GPR21: variants seen among roughly 807,000 people sequenced by gnomAD.
GPR21 encodes the protein probable G protein-coupled receptor 21.
GPR21 carries 9 observed loss-of-function variants against 21.5 expected under a neutral mutation model. The ratio of observed to expected loss-of-function variants is 0.42; its 90% CI spans 0.25 to 0.73. GPR21 has a LOEUF of 0.73. GPR21 is among the 30% of genes least tolerant of loss of function. The pLI is 0.27. For synonymous variants in GPR21, 169 were observed against 159.3 expected, an observed-to-expected ratio of 1.06 and a Z score of -0.46; for missense variants, 416 against 428.9, an observed-to-expected ratio of 0.97 and a Z score of 0.27.
downstream of GPR21, among the ~76,000 whole-genome samples, chr9:123,036,714 C>T (rs1053770413): frequency 6.6e-6 from 1 of 151,712 alleles, no homozygotes; most frequent in Non-Finnish European, 1.5e-5. Flanking sequence ...TCAGTTAGTG[C>T]TAAGGAATCC....
At chr9:123,044,063 G>A in the GPR21 span, among the ~76,000 whole-genome samples, 1 of 151,816 alleles carries the variant, frequency 6.6e-6, no homozygotes, top group African/African-American at 2.4e-5. Context: ...ACCATGCATG[G>A]CTAGTTTTTT....
chr9:123,048,814 T>G, the GPR21 span, among the ~76,000 whole-genome samples: 1 of 152,220 alleles, frequency 6.6e-6, no homozygotes, highest in East Asian at 1.9e-4. Context: ...GGCCTCTCCA[T>G]GATGGATTGC....
chr9:123,036,171 A>C (rs2032648948), downstream of GPR21, among the ~76,000 whole-genome samples: 1 of 152,218 alleles, frequency 6.6e-6, no homozygotes, highest in Non-Finnish European at 1.5e-5. Context: ...TCTGTGTTTT[A>C]TTCTCTTGAG....
chr9:123,037,733 G>A (rs1426577665), downstream of GPR21, among the ~76,000 whole-genome samples: 1 of 151,936 alleles, frequency 6.6e-6, no homozygotes, highest in African/African-American at 2.4e-5. Context: ...TGTTGTGTGT[G>A]TATGTGTTGG....
At position 123,035,213 on chromosome 9, in the gene GPR21, G is replaced by T. The variant is rs200334416; in HGVS notation, c.647G>T (p.Arg216Leu). Reference sequence around the variant, plus strand: ...TGCTTCACCTATTTCAACATCTTCCGCATCTGCCAACAGCACACAAAGGAT... The same window carrying T: ...TGCTTCACCTATTTCAACATCTTCCTCATCTGCCAACAGCACACAAAGGAT... Reference protein sequence around the residue: ...IVCFTYFNIFRICQQHTKDIS... With the variant: ...IVCFTYFNIFLICQQHTKDIS... Residue 216 changes from arginine (R) to leucine (L), a missense_variant, in exon 2 of 2, where the codon CGC becomes CTC. Coordinates refer to ENST00000616002, the MANE Select transcript of GPR21 (RefSeq NM_005294.3). 1 of 1,614,040 alleles carries T rather than the reference G, an allele frequency of 6.2e-7. No homozygotes were observed. The highest frequency in any genetic ancestry group is 1.1e-5 in the South Asian group (1 of 91,072).
chr9:123,045,115 CAT>C, the GPR21 span, among the ~76,000 whole-genome samples: 2 of 152,164 alleles, frequency 1.3e-5, no homozygotes, highest in African/African-American at 4.8e-5. Flanking sequence ...TAAAAGTAAT[CAT>C]ATTTTCAAAG....
chr9:123,046,459 A>T, the GPR21 span, among the ~76,000 whole-genome samples: 1 of 152,230 alleles, frequency 6.6e-6, no homozygotes, highest in Non-Finnish European at 1.5e-5. Flanking sequence ...GGCCAAAAGT[A>T]TGTGCTTGAG....
At chr9:123,039,292 T>A (rs1455283377), downstream of GPR21, among the ~76,000 whole-genome samples, 4 of 152,142 alleles carry the variant, frequency 2.6e-5, no homozygotes, top group Non-Finnish European at 5.9e-5. Context: ...TTGCTTTGAT[T>A]TACTTCCTTC....
the GPR21 span, among the ~76,000 whole-genome samples, chr9:123,041,927 T>TTCCCCATCCCACCTGAA: frequency 5.3e-5 from 8 of 152,286 alleles, no homozygotes; most frequent in South Asian, 6.2e-4. Context: ...CTTACTCCTC[T>TTCCCCATCCCACCTGAA]TCCCCATCCC....
Position 123,035,573 on chromosome 9 carries a change from ACACAGTTAGAAG to A in GPR21, c.1010_1021del (p.Thr337_Ser340del). 1 of 1,608,574 alleles carries A rather than the reference ACACAGTTAGAAG, an allele frequency of 6.2e-7. No individual in the cohort carries two copies. The highest frequency in any genetic ancestry group is 8.5e-7 in the Non-Finnish European group (1 of 1,178,534). Reference sequence around the variant, plus strand: ...AGTCAGACTACAGCCAACGACCCTTACACAGTTAGAAGCAAAGGCCCTCTTAATGGATGTCAT... The same window carrying A: ...AGTCAGACTACAGCCAACGACCCTTACAAAGGCCCTCTTAATGGATGTCAT... On this transcript the variant is annotated inframe_deletion, in exon 2 of 2. Transcript: ENST00000616002.
At position 123,035,522 on chromosome 9, in the gene GPR21, CAG is replaced by C. The variant is rs761936390; in HGVS notation, c.957_958del (p.Ala321TyrfsTer18). ...TTCCAAAGAGGACTAAAGCGCCTCT[CAG>C]GGGCTATGTGTACTTCTTGTGCAAG... is the stretch of plus-strand genomic sequence containing the variant. On this transcript the variant is annotated frameshift_variant, in exon 2 of 2. Coordinates refer to ENST00000616002, the MANE Select transcript of GPR21 (RefSeq NM_005294.3). LOFTEE classifies it high-confidence loss of function. 2.2e-5 allele frequency: 36 copies of C among 1,613,776 alleles called. No individual in the cohort carries two copies. Among genetic ancestry groups the C allele is most frequent in the African/African-American group, 6.7e-5 (5 of 74,930 alleles).
At position 123,034,667 on chromosome 9, in the gene GPR21, T is replaced by A; in HGVS notation, c.101T>A (p.Ile34Asn). The change falls in exon 2 of 2, where the codon ATT becomes AAT. Residue 34 changes from isoleucine to asparagine, a missense_variant. Transcript: ENST00000616002. ...TVNFCLLEVL[I>N]IVFLTVLIIS... ...AATTTTTGCCTTTTGGAAGTATTGATTATTGTCTTTCTAACTGTATTGATT... is the reference window on the plus strand; with the variant it reads ...AATTTTTGCCTTTTGGAAGTATTGAATATTGTCTTTCTAACTGTATTGATT... The A allele has an allele frequency of 6.2e-7, 1 of 1,613,032 alleles. No individual in the cohort carries two copies.
the GPR21 span, among the ~76,000 whole-genome samples, chr9:123,048,715 C>T: frequency 6.6e-6 from 1 of 152,210 alleles, no homozygotes; most frequent in Non-Finnish European, 1.5e-5. Flanking sequence ...TACCTTCCCC[C>T]TTTGACTATC....
chr9:123,039,175 A>G (rs557047437), downstream of GPR21, among the ~76,000 whole-genome samples: 5 of 152,204 alleles, frequency 3.3e-5, no homozygotes, highest in Admixed American at 2.0e-4. Context: ...TTGAAGCTCA[A>G]TGCTACACCA....
At chr9:123,041,806 T>A in the GPR21 span, among the ~76,000 whole-genome samples, 1 of 152,202 alleles carries the variant, frequency 6.6e-6, no homozygotes, top group African/African-American at 2.4e-5. Flanking sequence ...GGAATTGGAT[T>A]GCTAAGATGT....
chr9:123,034,560 G>A lies in GPR21; in HGVS notation c.-7G>A, dbSNP rs1219944914. ...GCATGAAGTGACAGATCACTCCTGA[G>A]CTCAAGATGAACTCCACCTTGGATG... On this transcript the variant is annotated 5_prime_UTR_variant, in exon 2 of 2. Coordinates refer to ENST00000616002, the MANE Select transcript of GPR21 (RefSeq NM_005294.3). The A allele has an allele frequency of 1.3e-6, 2 of 1,577,666 alleles. No individual in the cohort carries two copies. Among genetic ancestry groups the A allele is most frequent in the Non-Finnish European group, 1.7e-6 (2 of 1,157,638 alleles).
downstream of GPR21, among the ~76,000 whole-genome samples, chr9:123,039,137 C>T (rs915151955): frequency 2.0e-5 from 3 of 152,178 alleles, no homozygotes; most frequent in Non-Finnish European, 4.4e-5. Flanking sequence ...AGCCATACAT[C>T]ATGATGTGTT....
chr9:123,045,384 G>A, the GPR21 span, among the ~76,000 whole-genome samples: 2 of 152,114 alleles, frequency 1.3e-5, no homozygotes, highest in African/African-American at 2.4e-5. Context: ...TCAGACTAAA[G>A]CCTTTTTTCA....
At position 123,034,353 on chromosome 9, in the gene GPR21, C is replaced by T; in HGVS notation, c.-214C>T. On this transcript the variant is annotated 5_prime_UTR_variant, in exon 2 of 2. Coordinates refer to ENST00000616002, the MANE Select transcript of GPR21 (RefSeq NM_005294.3). ...GCCGCGTCTGGGACTGGCCAGACAA[C>T]TGCTGCTGGCTCTCCTTATTCCAGG... 1 of 568,186 alleles carries T rather than the reference C, an allele frequency of 1.8e-6. No homozygotes were observed. Among genetic ancestry groups the T allele is most frequent in the Non-Finnish European group, 3.1e-6 (1 of 324,856 alleles). 35.2% of individuals were successfully genotyped at this position (568,186 alleles called of 1,614,324 possible). A position where few individuals can be genotyped will look rare whatever the true frequency, so the allele number is the denominator to read the frequency against.
Sources: allele counts gnomAD v4.1 joint callset (sites outside exome capture counted in the v4.1 genomes callset), GRCh38; gene constraint gnomAD v4.1.1; transcripts MANE v1.5; gene names NCBI Gene and HGNC (gene_info 2026-07-23, HGNC 2026-07-21).